SOHLH1: variants seen among roughly 807,000 people sequenced by gnomAD.
SOHLH1 encodes spermatogenesis and oogenesis specific basic helix-loop-helix 1, also known as spermatogenesis- and oogenesis-specific basic helix-loop-helix-containing protein 1.
A neutral mutation model predicts 36.2 loss-of-function variants in SOHLH1; 23 were observed. That is an observed-to-expected ratio of 0.64 (90% CI 0.46 to 0.90). SOHLH1 has a LOEUF of 0.90. Among genes scored for constraint, SOHLH1 ranks in the 40% least tolerant of loss-of-function variants. The probability of loss-of-function intolerance (pLI) is 0.00; values close to 1 mark genes in which losing one functional copy is unlikely to be tolerated. For missense variants in SOHLH1, 608 were observed against 517.0 expected, an observed-to-expected ratio of 1.18 and a Z score of -1.71; for synonymous variants, 289 against 228.3, an observed-to-expected ratio of 1.27 and a Z score of -2.40.
chr9:135,693,866 G>A (rs986533057), intron 7 of SOHLH1, 52 bp from the exon 8 acceptor site: 16 of 1,519,046 alleles, frequency 1.1e-5, no homozygotes, highest in Non-Finnish European at 1.4e-5. Context: ...CTGGGAGCTT[G>A]AGGCAGACAG....
At chr9:135,693,958 G>A in intron 7 of SOHLH1, 144 bp from the exon 8 acceptor site, 1 of 1,434,804 alleles carries the variant, frequency 7.0e-7, no homozygotes, top group East Asian at 2.5e-5. Flanking sequence ...GATGAGGTGG[G>A]TGAGCTCATA....
chr9:135,698,410 C>G lies in SOHLH1; in HGVS notation c.264G>C (p.Glu88Asp), dbSNP rs1389041291. The G allele has an allele frequency of 1.9e-6, 3 of 1,613,156 alleles. No individual in the cohort carries two copies. The highest frequency in any genetic ancestry group is 2.5e-6 in the Non-Finnish European group (3 of 1,180,032). ...ALLPQFDGRR[E>D]DMASVLEMSV... ...ACATCTCCAGGACCGAGGCCATGTC[C>G]TCCCGCCGGCCATCGAACTGGGGCA... is the stretch of plus-strand genomic sequence containing the variant. The change falls in exon 3 of 8, where the codon GAG becomes GAC. Residue 88 changes from glutamate to aspartate, a missense_variant. Physicochemically the swap from Glu to Asp is conservative, Grantham distance 45 (BLOSUM62 2). Coordinates refer to ENST00000425225, the MANE Select transcript of SOHLH1 (RefSeq NM_001101677.2).
At chr9:135,696,943 GC>G in intron 4 of SOHLH1, 138 bp from the exon 5 acceptor site, 2 of 986,876 alleles carry the variant, frequency 2.0e-6, no homozygotes, top group Non-Finnish European at 3.1e-6. Context: ...GCCAGCCTCT[GC>G]CCAGGGGCCC....
At chr9:135,699,543 C>A, upstream of SOHLH1, 2 of 1,478,398 alleles carry the variant, frequency 1.4e-6, no homozygotes, top group Non-Finnish European at 1.9e-6. Context: ...GTGTGCTCTG[C>A]CCACCTGCCA....
chr9:135,699,993 C>T (rs540136759), upstream of SOHLH1, among the ~76,000 whole-genome samples: 1 of 152,214 alleles, frequency 6.6e-6, no homozygotes, highest in South Asian at 2.1e-4. Flanking sequence ...AAATCTAGTA[C>T]GCTTGCAGAC....
At position 135,695,026 on chromosome 9, in the gene SOHLH1, C is replaced by G. The variant is rs182554663; in HGVS notation, c.875+24G>C. 3.2e-6 allele frequency: 5 copies of G among 1,567,260 alleles called. No homozygotes were observed. In the African/African-American group the frequency reaches 6.8e-5, roughly 21 times the overall value. On this transcript the variant is annotated intron_variant, in intron 6 of 7. Coordinates refer to ENST00000425225, the MANE Select transcript of SOHLH1 (RefSeq NM_001101677.2). The stretch of plus-strand genomic sequence containing the variant: ...ACATGCTCGCTCACGCACACACAGG[C>G]GTGCACACCACCTGGGCACTCACCC...
At position 135,695,247 on chromosome 9, in the gene SOHLH1, C is replaced by T. The variant is rs928815377; in HGVS notation, c.678G>A (p.Val226=). The T allele has an allele frequency of 8.8e-6, 14 of 1,597,518 alleles. No individual in the cohort carries two copies. Among genetic ancestry groups the T allele is most frequent in the African/African-American group, 1.3e-5 (1 of 74,762 alleles). Residue 226 remains valine, a synonymous_variant, in exon 6 of 8, where the codon GTG becomes GTA. Coordinates refer to ENST00000425225, the MANE Select transcript of SOHLH1 (RefSeq NM_001101677.2). The part of the protein sequence containing the change: ...LPPFSEPSSL[V]PWPPGRSLPK... ...GAAGACTCCGGCCTGGGGGCCACGG[C>T]ACCAGGCTGGAAGGTTCTGGGAGAG...
intron 7 of SOHLH1, 52 bp downstream of exon 7, chr9:135,694,335 A>G (rs372542262): frequency 1.3e-5 from 21 of 1,611,432 alleles, no homozygotes; most frequent in African/African-American, 2.7e-5. Context: ...TCCCCAGCTC[A>G]TATCAGGTGC....
upstream of SOHLH1, among the ~76,000 whole-genome samples, chr9:135,700,815 G>GC (rs757694425): frequency 2.1e-4 from 32 of 152,112 alleles, no homozygotes; most frequent in Non-Finnish European, 3.4e-4. Flanking sequence ...GGGGACCTGG[G>GC]CCCCTCTCCC....
At chr9:135,697,715 C>CT in intron 3 of SOHLH1, 88 bp from the exon 4 acceptor site, 1 of 1,505,846 alleles carries the variant, frequency 6.6e-7, no homozygotes. Context: ...ACCCCAGGGC[C>CT]TGGAGGGTCA....
At chr9:135,694,149 A>C in intron 7 of SOHLH1, 2 of 1,434,964 alleles carry the variant, frequency 1.4e-6, no homozygotes, top group Non-Finnish European at 1.8e-6. Context: ...CAGGGCTCCA[A>C]GCACCGCCAG....
intron 3 of SOHLH1, among the ~76,000 whole-genome samples, chr9:135,697,842 G>A (rs147757927): frequency 3.0e-3 from 464 of 152,212 alleles, no homozygotes; most frequent in African/African-American, 0.01. Context: ...ATACCCAAGG[G>A]CCTCACTGCA....
chr9:135,694,059 T>C (rs1010992812), intron 7 of SOHLH1: 3 of 1,425,980 alleles, frequency 2.1e-6, no homozygotes, highest in African/African-American at 1.4e-5. Flanking sequence ...ACACACGCCA[T>C]GTCACAGGGC....
chr9:135,695,045 C>A lies in SOHLH1; in HGVS notation c.875+5G>T, dbSNP rs1834733302. 19 of 1,588,446 alleles carry A rather than the reference C, an allele frequency of 1.2e-5. No individual in the cohort carries two copies. Among genetic ancestry groups the A allele is most frequent in the Non-Finnish European group, 1.5e-5 (18 of 1,169,762 alleles). Reference sequence around the variant, plus strand: ...CACAGGCGTGCACACCACCTGGGCACTCACCCGGCCTCCTGCGCCAGCATG... The same window carrying A: ...CACAGGCGTGCACACCACCTGGGCAATCACCCGGCCTCCTGCGCCAGCATG... On this transcript the variant is annotated splice_donor_5th_base_variant and intron_variant, in intron 6 of 7. Coordinates refer to ENST00000425225, the MANE Select transcript of SOHLH1 (RefSeq NM_001101677.2).
chr9:135,693,442 A>G lies in SOHLH1; in HGVS notation c.*155T>C. The stretch of plus-strand genomic sequence containing the variant: ...TCCAGGAAAACTGCTTTCCCTCTTT[A>G]ATATTCACTATCCTCTTCTCACAGC... On this transcript the variant is annotated 3_prime_UTR_variant, in exon 8 of 8. Transcript: ENST00000425225. 5.6e-6 allele frequency: 6 copies of G among 1,078,322 alleles called. No individual in the cohort carries two copies. The South Asian group carries it at 1.1e-4, about 20-fold the overall frequency. 66.8% of individuals were successfully genotyped at this position (1,078,322 alleles called of 1,614,324 possible).
intron 6 of SOHLH1, 86 bp from the exon 7 acceptor site, chr9:135,694,543 A>G: frequency 6.5e-7 from 1 of 1,550,254 alleles, no homozygotes; most frequent in Non-Finnish European, 8.7e-7. Context: ...AGTCCTGCAA[A>G]GGCAGCTTCG....
In SOHLH1 at chr9:135,699,137, A is replaced by G. The variant is rs769963641; in HGVS notation, c.66-11T>C. On this transcript the variant is annotated splice_polypyrimidine_tract_variant and intron_variant, in intron 1 of 7. Coordinates refer to ENST00000425225, the MANE Select transcript of SOHLH1 (RefSeq NM_001101677.2). The stretch of plus-strand genomic sequence containing the variant: ...CCAGACAGGGAGCCGCTGCCGAGAA[A>G]GCCAAGAGCACCGGGCCCTGAGAAC... 2 of 1,589,942 alleles carry G rather than the reference A, an allele frequency of 1.3e-6. No homozygotes were observed. Among genetic ancestry groups the G allele is most frequent in the South Asian group, 2.2e-5 (2 of 89,166 alleles).
rs1390250442 is a variant in SOHLH1 at position 135,696,672 on chromosome 9, C to T, written c.601G>A (p.Asp201Asn). ...DPASCTSLGT[D>N]KCEALLGLCQ... ...AGCCCCAACAGTGCCTCACACTTGT[C>T]CGTGCCCAGGGACGTGCAGCTCGCG... The change falls in exon 5 of 8, where the codon GAC (aspartate) becomes AAC (asparagine). Residue 201 changes from aspartate to asparagine, a missense_variant. Physicochemically the swap from Asp to Asn is conservative, Grantham distance 23. Coordinates refer to ENST00000425225, the MANE Select transcript of SOHLH1 (RefSeq NM_001101677.2). The T allele has an allele frequency of 1.2e-6, 2 of 1,612,916 alleles. No homozygotes were observed. The highest frequency in any genetic ancestry group is 1.7e-5 in the Admixed American group (1 of 60,014).
intron 4 of SOHLH1, among the ~76,000 whole-genome samples, chr9:135,697,255 G>A (rs999231211): frequency 2.6e-5 from 4 of 152,256 alleles, no homozygotes; most frequent in Middle Eastern, 3.4e-3. Context: ...AGATCCTCCC[G>A]GGCACCTCCC....
Sources: gnomAD v4.1 joint callset for allele counts (sites outside exome capture counted in the v4.1 genomes callset) on GRCh38, gnomAD v4.1.1 for gene constraint, MANE v1.5 for transcripts, NCBI Gene and HGNC (gene_info 2026-07-23, HGNC 2026-07-21) for gene names.